IFT80: variants seen among roughly 807,000 people sequenced by gnomAD.
The protein encoded by IFT80 is intraflagellar transport 80.
Under a neutral mutation model 107.9 loss-of-function variants are expected in IFT80, and 79 were observed. The ratio of observed to expected loss-of-function variants is 0.73; its 90% CI spans 0.61 to 0.88. IFT80 has a LOEUF of 0.88. IFT80 is among the 40% of genes least tolerant of loss of function. The probability of loss-of-function intolerance (pLI) is 0.00; values close to 1 mark genes in which losing one functional copy is unlikely to be tolerated. For missense variants in IFT80, 797 were observed against 914.2 expected (o/e 0.87, Z 1.65); for synonymous variants, 299 against 300.9 (o/e 0.99, Z 0.07).
At chr3:160,330,733 T>C (rs1169432661) in intron 8 of IFT80, among the ~76,000 whole-genome samples, 1 of 152,136 alleles carries the variant, frequency 6.6e-6, no homozygotes, top group African/African-American at 2.4e-5. Flanking sequence ...ACTGGCATAA[T>C]AGACCCCCAT....
chr3:160,384,592 T>C lies in IFT80; in HGVS notation c.9A>G (p.Leu3=). The C allele has an allele frequency of 6.5e-7, 1 of 1,544,706 alleles. No individual in the cohort carries two copies. The highest frequency in any genetic ancestry group is 8.9e-7 in the Non-Finnish European group (1 of 1,117,578). MR[L]KISLLKEPKH... ...TTGGTTCTTTTAAAAGAGATATCTT[T>C]AGTCTCATGACTCCACTTCCAGCAA... is the stretch of plus-strand genomic sequence containing the variant. The change falls in exon 2 of 20, where the codon CTA becomes CTG. Residue 3 remains leucine (L), a synonymous_variant. Coordinates refer to ENST00000326448, the MANE Select transcript of IFT80 (RefSeq NM_020800.3).
At chr3:160,374,166 A>C (rs1431948966) in intron 5 of IFT80, among the ~76,000 whole-genome samples, 1 of 152,006 alleles carries the variant, frequency 6.6e-6, no homozygotes, top group African/African-American at 2.4e-5. Flanking sequence ...AAATCTTCAG[A>C]CTGGCACAGT....
intron 12 of IFT80, among the ~76,000 whole-genome samples, chr3:160,287,092 C>CA (rs1715148697): frequency 6.6e-6 from 1 of 152,176 alleles, no homozygotes; most frequent in Non-Finnish European, 1.5e-5. Context: ...AAACCCCATA[C>CA]AAATTCTGAA....
At chr3:160,269,239 A>G (rs1235189934) in intron 18 of IFT80, among the ~76,000 whole-genome samples, 1 of 148,612 alleles carries the variant, frequency 6.7e-6, no homozygotes, top group African/African-American at 2.5e-5. Context: ...AAAAAAAAAA[A>G]GAAAATATTT....
intron 5 of IFT80, among the ~76,000 whole-genome samples, chr3:160,374,594 C>G (rs979841491): frequency 2.0e-5 from 3 of 152,088 alleles, no homozygotes; most frequent in African/African-American, 7.2e-5. Flanking sequence ...GTAGTAACAG[C>G]AGCTGAAATT....
intron 2 of IFT80, chr3:160,383,968 G>T (rs1712721260): frequency 1.0e-6 from 1 of 985,224 alleles, no homozygotes; most frequent in East Asian, 1.1e-4. Context: ...ATTTTGGCCA[G>T]GCGCGGTGGC....
At chr3:160,379,443 C>A (rs1712295775) in intron 3 of IFT80, among the ~76,000 whole-genome samples, 1 of 152,050 alleles carries the variant, frequency 6.6e-6, no homozygotes, top group South Asian at 2.1e-4. Context: ...TTTTTATCAA[C>A]AAATTGTGGC....
chr3:160,271,449 C>T (rs1713799104), intron 18 of IFT80, among the ~76,000 whole-genome samples: 1 of 152,110 alleles, frequency 6.6e-6, no homozygotes, highest in Non-Finnish European at 1.5e-5. Flanking sequence ...TATTAATATG[C>T]ACATAAAGGA....
Position 160,257,377 on chromosome 3 carries a change from G to A in IFT80, c.*1148C>T, listed in dbSNP as rs1013911190. On this transcript the variant is annotated 3_prime_UTR_variant, in exon 20 of 20. Coordinates refer to ENST00000326448, the MANE Select transcript of IFT80 (RefSeq NM_020800.3). ...CCTATAATGTACCATTTTCAGAAAT[G>A]GGTTTGCAGAAGACTTTCTAAGGGG... is the stretch of plus-strand genomic sequence containing the variant. 2.6e-5 allele frequency: 4 copies of A among 152,034 alleles called. No homozygotes were observed. Among genetic ancestry groups the A allele is most frequent in the Admixed American group, 2.6e-4 (4 of 15,254 alleles). 9.4% of individuals were successfully genotyped at this position (152,034 alleles called of 1,614,324 possible).
In IFT80 at chr3:160,300,981, G is replaced by T. The variant is rs1716381042; in HGVS notation, c.1217C>A (p.Ser406Tyr). 6.2e-7 allele frequency: 1 copy of T among 1,608,350 alleles called. No homozygotes were observed. Among genetic ancestry groups the T allele is most frequent in the African/African-American group, 1.3e-5 (1 of 74,858 alleles). ...TGTTCTCATTCCAGGAAATTTTGGA[G>T]ATGAAATAAAGCGCCCTTCATATGA... ...LYSYEGRFIS[S>Y]PKFPGMRTDI... Residue 406 changes from serine to tyrosine, a missense_variant, in exon 12 of 20, where the codon TCT becomes TAT. Ser to Tyr is a moderately radical substitution (Grantham distance 144, BLOSUM62 -2). Coordinates refer to ENST00000326448, the MANE Select transcript of IFT80 (RefSeq NM_020800.3).
chr3:160,332,128 A>G (rs1254269354), intron 8 of IFT80, among the ~76,000 whole-genome samples: 3 of 152,202 alleles, frequency 2.0e-5, no homozygotes, highest in African/African-American at 4.8e-5. Flanking sequence ...TTCAGGTTCC[A>G]TATTTTTGGA....
At chr3:160,351,607 G>A (rs1720710611) in intron 8 of IFT80, among the ~76,000 whole-genome samples, 2 of 144,776 alleles carry the variant, frequency 1.4e-5, no homozygotes, top group African/African-American at 5.0e-5. Context: ...ATATATATTT[G>A]TATATATTAT....
At chr3:160,366,546 T>C (rs1176681707) in intron 5 of IFT80, among the ~76,000 whole-genome samples, 2 of 152,256 alleles carry the variant, frequency 1.3e-5, no homozygotes, top group East Asian at 3.9e-4. Context: ...CAGTATGTAT[T>C]TATTTATTGG....
At chr3:160,288,488 T>C (rs955920090) in intron 12 of IFT80, among the ~76,000 whole-genome samples, 10 of 151,902 alleles carry the variant, frequency 6.6e-5, no homozygotes, top group African/African-American at 2.2e-4. Context: ...AATTGACAAA[T>C]AGAATCTAAT....
At chr3:160,270,618 T>G (rs1280913394) in intron 18 of IFT80, among the ~76,000 whole-genome samples, 1 of 152,022 alleles carries the variant, frequency 6.6e-6, no homozygotes, top group African/African-American at 2.4e-5. Flanking sequence ...GAATGTAAAG[T>G]TACTAGAATA....
At position 160,317,299 on chromosome 3, in the gene IFT80, T is replaced by C. The variant is rs537410427; in HGVS notation, c.957+2461A>G. 3.9e-5 allele frequency among the ~76,000 whole-genome samples: 6 copies of C among 152,088 alleles called. No homozygotes were observed. The South Asian group carries it at 1.2e-3, about 31-fold the overall frequency. ...AGAAAGTAAAACCTCTTTAAAAAAA[T>C]AAAAATAATGTTCTAGTTTAAAACT... On this transcript the variant is annotated intron_variant, in intron 9 of 19. Transcript: ENST00000326448.
intron 19 of IFT80, among the ~76,000 whole-genome samples, chr3:160,267,462 T>C: frequency 6.6e-6 from 1 of 152,208 alleles, no homozygotes; most frequent in Non-Finnish European, 1.5e-5. Flanking sequence ...GAGTGAGATA[T>C]CATACATTTT....
chr3:160,363,386 C>T (rs1366903175), intron 6 of IFT80, among the ~76,000 whole-genome samples: 1 of 152,132 alleles, frequency 6.6e-6, no homozygotes, highest in Non-Finnish European at 1.5e-5. Flanking sequence ...AATGGAAGAA[C>T]ATTCCATGCT....
Position 160,328,991 on chromosome 3 carries a change from T to C in IFT80, c.778-9052A>G, listed in dbSNP as rs11921992. On this transcript the variant is annotated intron_variant, in intron 8 of 19. Coordinates refer to ENST00000326448, the MANE Select transcript of IFT80 (RefSeq NM_020800.3). ...GGGGACAATGCACACTGGGTCCTAC[T>C]GGAGGGTGGAGGGTGGGAGGGAGGA... Among the ~76,000 whole-genome samples the C allele has an allele frequency of 1.7e-3, 261 of 151,130 alleles. 1 individual carries two copies. Among genetic ancestry groups the C allele is most frequent in the African/African-American group, 5.8e-3 (240 of 41,300 alleles).
Sources: gnomAD v4.1 joint callset for allele counts (sites outside exome capture counted in the v4.1 genomes callset) on GRCh38, gnomAD v4.1.1 for gene constraint, MANE v1.5 for transcripts, NCBI Gene and HGNC (gene_info 2026-07-23, HGNC 2026-07-21) for gene names.